Variants in MED12L observed in about 807,000 individuals in gnomAD.
MED12L encodes mediator complex subunit 12L.
MED12L carries 60 observed loss-of-function variants against 281.3 expected under a neutral mutation model. The observed-to-expected ratio is 0.21, with a 90% CI of 0.17 to 0.26. MED12L has a LOEUF of 0.26. Ranked by LOEUF, MED12L falls within the 10% of genes least tolerant of loss-of-function variation. The pLI is 1.00. For synonymous variants in MED12L, 974 were observed against 987.2 expected (o/e 0.99, Z 0.25); for missense variants, 2,146 against 2,680.9 (o/e 0.80, Z 4.41).
chr3:151,237,266 C>A (rs1320172695), intron 16 of MED12L, among the ~76,000 whole-genome samples: 1 of 150,550 alleles, frequency 6.6e-6, no homozygotes, highest in South Asian at 2.1e-4. Context: ...TCTTGAACAC[C>A]TGACCTTGTG....
At chr3:151,091,249 T>G (rs1199797717) in intron 2 of MED12L, among the ~76,000 whole-genome samples, 1 of 152,100 alleles carries the variant, frequency 6.6e-6, no homozygotes, top group Non-Finnish European at 1.5e-5. Context: ...CCCGAAGATA[T>G]ACACAGCATG....
chr3:151,151,379 G>A (rs567068339), intron 5 of MED12L, among the ~76,000 whole-genome samples: 6 of 151,956 alleles, frequency 3.9e-5, no homozygotes, highest in Admixed American at 6.5e-5. Flanking sequence ...TTTCCTTTGC[G>A]TCCACAGGTT....
intron 43 of MED12L, among the ~76,000 whole-genome samples, chr3:151,426,747 T>G (rs756613612): frequency 1.3e-5 from 2 of 152,166 alleles, no homozygotes; most frequent in Non-Finnish European, 2.9e-5. Context: ...CTTATGTTCC[T>G]GGAAGTAACA....
intron 16 of MED12L, among the ~76,000 whole-genome samples, chr3:151,233,591 G>A (rs1012355008): frequency 6.6e-6 from 1 of 152,164 alleles, no homozygotes; most frequent in Non-Finnish European, 1.5e-5. Context: ...AAATTAGCTG[G>A]GCGTGGTGGC....
At position 151,300,155 on chromosome 3, in the gene MED12L, C is replaced by T. The variant is rs373288084; in HGVS notation, c.2251-49904C>T. On this transcript the variant is annotated intron_variant, in intron 16 of 44. Coordinates refer to ENST00000687756, the MANE Select transcript of MED12L (RefSeq NM_001393769.1). ...ATGCGTGTCAGGAAACACTTGGGGA[C>T]GATTGAGGCGTGGGTTCAGCATAGG... The T allele has an allele frequency of 3.1e-4, 381 of 1,245,500 alleles. 1 individual carries two copies. The highest frequency in any genetic ancestry group is 4.2e-4 in the Non-Finnish European group (356 of 843,036). 77.2% of individuals were successfully genotyped at this position (1,245,500 alleles called of 1,614,324 possible). A position where few individuals can be genotyped will look rare whatever the true frequency, so the allele number is the denominator to read the frequency against.
chr3:151,332,864 A>G (rs1393316441), intron 16 of MED12L, among the ~76,000 whole-genome samples: 1 of 152,060 alleles, frequency 6.6e-6, no homozygotes, highest in Non-Finnish European at 1.5e-5. Context: ...ATGGTACCGG[A>G]TAGGTAGTTT....
chr3:151,273,169 C>G (rs1010726721), intron 16 of MED12L, among the ~76,000 whole-genome samples: 2 of 150,662 alleles, frequency 1.3e-5, no homozygotes, highest in Non-Finnish European at 2.9e-5. Context: ...GAGCACCACA[C>G]TATGTTATTG....
intron 16 of MED12L, among the ~76,000 whole-genome samples, chr3:151,301,718 A>G (rs944509161): frequency 1.1e-4 from 17 of 152,242 alleles, no homozygotes; most frequent in African/African-American, 3.6e-4. Context: ...TGCATCTACC[A>G]GAATGGCTGT....
intron 16 of MED12L, among the ~76,000 whole-genome samples, chr3:151,312,072 G>A (rs1747620024): frequency 6.6e-6 from 1 of 152,140 alleles, no homozygotes; most frequent in African/African-American, 2.4e-5. Context: ...AATTGATTTT[G>A]CAGTTTTTCC....
intron 16 of MED12L, among the ~76,000 whole-genome samples, chr3:151,318,715 T>A (rs965499025): frequency 6.6e-6 from 1 of 152,140 alleles, no homozygotes; most frequent in Non-Finnish European, 1.5e-5. Context: ...GCTTCTGTTA[T>A]AAGAATAAAG....
At chr3:151,296,656 A>G (rs1026516871) in intron 16 of MED12L, among the ~76,000 whole-genome samples, 7 of 151,852 alleles carry the variant, frequency 4.6e-5, no homozygotes, top group Non-Finnish European at 8.8e-5. Flanking sequence ...TTTCCCTGGT[A>G]GCCATTTTCC....
intron 16 of MED12L, among the ~76,000 whole-genome samples, chr3:151,223,077 G>A (rs1366649338): frequency 6.6e-6 from 1 of 151,682 alleles, no homozygotes; most frequent in East Asian, 1.9e-4. Flanking sequence ...AGTTCTGCAT[G>A]GAGTAATAAT....
chr3:151,164,175 T>A, intron 9 of MED12L, 133 bp downstream of exon 9: 1 of 918,708 alleles, frequency 1.1e-6, no homozygotes, highest in East Asian at 2.7e-5. Context: ...ACACTCTGGG[T>A]GACCTTAGAG....
intron 9 of MED12L, 79 bp from the exon 10 acceptor site, chr3:151,165,341 A>G: frequency 9.1e-7 from 1 of 1,100,332 alleles, no homozygotes; most frequent in East Asian, 2.4e-5. Context: ...TACTTTACTC[A>G]CGTGGAAAAA....
At chr3:151,241,387 T>C (rs1017793264) in intron 16 of MED12L, among the ~76,000 whole-genome samples, 1 of 152,176 alleles carries the variant, frequency 6.6e-6, no homozygotes, top group African/African-American at 2.4e-5. Context: ...AAACAAACTT[T>C]TACTCTTGAT....
intron 16 of MED12L, among the ~76,000 whole-genome samples, chr3:151,275,269 C>G (rs1001477670): frequency 2.0e-5 from 3 of 152,114 alleles, no homozygotes; most frequent in Non-Finnish European, 4.4e-5. Flanking sequence ...ACCTCAGAAG[C>G]CAACTAACTG....
intron 16 of MED12L, among the ~76,000 whole-genome samples, chr3:151,289,820 C>T (rs1045479844): frequency 6.6e-6 from 1 of 151,910 alleles, no homozygotes; most frequent in African/African-American, 2.4e-5. Context: ...ATGTATGGTT[C>T]AATTCTAGGA....
At chr3:151,116,788 G>A (rs764413996) in intron 3 of MED12L, among the ~76,000 whole-genome samples, 2 of 152,022 alleles carry the variant, frequency 1.3e-5, no homozygotes, top group Non-Finnish European at 2.9e-5. Flanking sequence ...TTCTCATGAC[G>A]GGATCCAGGT....
At chr3:151,410,686 C>T (rs572172295) in intron 40 of MED12L, among the ~76,000 whole-genome samples, 45 of 152,250 alleles carry the variant, frequency 3.0e-4, no homozygotes, top group African/African-American at 9.9e-4. Flanking sequence ...AAACTAGGTC[C>T]AGCCCGTACT....
Sources: gnomAD v4.1 joint callset for allele counts (sites outside exome capture counted in the v4.1 genomes callset) on GRCh38, gnomAD v4.1.1 for gene constraint, MANE v1.5 for transcripts, NCBI Gene and HGNC (gene_info 2026-07-23, HGNC 2026-07-21) for gene names.